STAG1: variants seen among roughly 807,000 people sequenced by gnomAD.
STAG1 encodes the protein STAG1 cohesin complex component, also known as cohesin subunit SA-1.
A neutral mutation model predicts 170.9 loss-of-function variants in STAG1; 26 were observed. That is an observed-to-expected ratio of 0.15 (90% CI 0.11 to 0.21). The LOEUF is 0.21. Ranked by LOEUF, STAG1 falls within the 10% of genes least tolerant of loss-of-function variation. The pLI is 1.00. For synonymous variants in STAG1, 514 were observed against 497.7 expected (o/e 1.03, Z -0.44); for missense variants, 964 against 1,509.5 (o/e 0.64, Z 5.99).
At chr3:136,597,999 T>G (rs1024099943) in intron 4 of STAG1, among the ~76,000 whole-genome samples, 6 of 152,174 alleles carry the variant, frequency 3.9e-5, no homozygotes, top group African/African-American at 1.4e-4. Context: ...CTATTAGCTA[T>G]ATATTATCAC....
At chr3:136,389,026 C>A (rs1404697141) in intron 22 of STAG1, among the ~76,000 whole-genome samples, 2 of 152,146 alleles carry the variant, frequency 1.3e-5, no homozygotes, top group East Asian at 3.9e-4. Flanking sequence ...GAACTCCTGG[C>A]CTCAACCAAT....
chr3:136,363,354 C>T lies in STAG1; in HGVS notation c.2787+12G>A, dbSNP rs1936950031. ...TTTCCATTCTTTGTCTCCCTCTCTC[C>T]AAATTTCTTACCTGTTGCAAACTGA... On this transcript the variant is annotated intron_variant, in intron 26 of 33. Transcript: ENST00000383202. The T allele has an allele frequency of 6.9e-7, 1 of 1,454,258 alleles. No individual in the cohort carries two copies. 90.1% of individuals were successfully genotyped at this position (1,454,258 alleles called of 1,614,324 possible). A position where few individuals can be genotyped will look rare whatever the true frequency, so the allele number is the denominator to read the frequency against.
chr3:136,639,698 T>G (rs1047466392), intron 1 of STAG1, among the ~76,000 whole-genome samples: 4 of 152,218 alleles, frequency 2.6e-5, no homozygotes, highest in Admixed American at 2.6e-4. Context: ...TAAGTAAGTT[T>G]GTATAGCCCC....
chr3:136,684,309 G>A (rs1025719273), intron 1 of STAG1, among the ~76,000 whole-genome samples: 1 of 152,218 alleles, frequency 6.6e-6, no homozygotes, highest in Non-Finnish European at 1.5e-5. Context: ...TCAAAACGAT[G>A]TAGTGTTGGC....
At position 136,423,033 on chromosome 3, in the gene STAG1, G is replaced by A. The variant is rs757121083; in HGVS notation, c.1662C>T (p.Ala554=). 6.2e-7 allele frequency: 1 copy of A among 1,604,092 alleles called. No homozygotes were observed. The highest frequency in any genetic ancestry group is 8.5e-7 in the Non-Finnish European group (1 of 1,175,196). ...CATCAATTTGAGTTTTCCTTTCTTT[G>A]GCAGTTAGCACCTAGAAACAAAATC... ...GRGTGKRVLT[A]KERKTQIDDR... is the part of the protein sequence containing the mutation. Residue 554 remains alanine, a synonymous_variant, in exon 17 of 34, where the codon GCC becomes GCT. Coordinates refer to ENST00000383202, the MANE Select transcript of STAG1 (RefSeq NM_005862.3).
At chr3:136,402,705 C>T (rs1003744334) in intron 21 of STAG1, among the ~76,000 whole-genome samples, 74 of 151,488 alleles carry the variant, frequency 4.9e-4, no homozygotes, top group Non-Finnish European at 3.2e-4. Context: ...GTGGCACATG[C>T]CTGTCTCAGC....
intron 28 of STAG1, among the ~76,000 whole-genome samples, chr3:136,354,148 T>C (rs138893969): frequency 4.5e-4 from 68 of 152,334 alleles, no homozygotes; most frequent in Non-Finnish European, 1.0e-4. Context: ...TTATCTCAAG[T>C]ATAATTATAA....
intron 7 of STAG1, among the ~76,000 whole-genome samples, chr3:136,516,801 C>T (rs1934401908): frequency 1.3e-5 from 2 of 152,176 alleles, no homozygotes; most frequent in South Asian, 4.1e-4. Flanking sequence ...TCTTTTCTTT[C>T]CCACTTTGCA....
intron 1 of STAG1, among the ~76,000 whole-genome samples, chr3:136,684,964 G>T (rs1043353238): frequency 6.6e-6 from 1 of 152,024 alleles, no homozygotes; most frequent in African/African-American, 2.4e-5. Context: ...TTTGGAGATG[G>T]CTTTTTAAAG....
chr3:136,472,734 A>C (rs950515357), intron 11 of STAG1, among the ~76,000 whole-genome samples: 9 of 152,244 alleles, frequency 5.9e-5, no homozygotes, highest in African/African-American at 1.9e-4. Context: ...GGAAGCCTTA[A>C]CATACAAAAT....
At chr3:136,711,063 AT>A (rs1943369401) in intron 1 of STAG1, among the ~76,000 whole-genome samples, 3 of 149,560 alleles carry the variant, frequency 2.0e-5, no homozygotes. Context: ...AAAGAAAAAT[AT>A]ATATATATAT....
At position 136,532,895 on chromosome 3, in the gene STAG1, A is replaced by G. The variant is rs1935447040; in HGVS notation, c.471+9224T>C. ...CCCACTTTTACAAGTCTTATTCAAC[A>G]TGGTACTGGAAGTCCTAGACAGACC... On this transcript the variant is annotated intron_variant, in intron 6 of 33. Coordinates refer to ENST00000383202, the MANE Select transcript of STAG1 (RefSeq NM_005862.3). Among the ~76,000 whole-genome samples the G allele has an allele frequency of 2.0e-5, 3 of 152,176 alleles. No individual in the cohort carries two copies. The South Asian group carries it at 6.2e-4, about 32-fold the overall frequency.
intron 12 of STAG1, among the ~76,000 whole-genome samples, chr3:136,470,744 T>A (rs1454958754): frequency 6.6e-6 from 1 of 152,060 alleles, no homozygotes; most frequent in Non-Finnish European, 1.5e-5. Flanking sequence ...CAAATGTCCA[T>A]CAATGATAGA....
In STAG1 at chr3:136,630,984, G is replaced by T; in HGVS notation, c.-83-3C>A. On this transcript the variant is annotated splice_region_variant and splice_polypyrimidine_tract_variant and intron_variant, in intron 1 of 33. Coordinates refer to ENST00000383202, the MANE Select transcript of STAG1 (RefSeq NM_005862.3). ...TTAAAATAACCTCAAAGGCAATCCT[G>T]TCAATTAAAAAAAAGAAATTATTTT... The T allele has an allele frequency of 1.6e-6, 2 of 1,248,816 alleles. No individual in the cohort carries two copies. Among genetic ancestry groups the T allele is most frequent in the Non-Finnish European group, 2.2e-6 (2 of 907,718 alleles). The allele number at this position is 1,248,816 out of a possible 1,614,324, so 77.4% of individuals were successfully genotyped here.
chr3:136,707,802 T>C (rs1482051683), intron 1 of STAG1, among the ~76,000 whole-genome samples: 1 of 152,142 alleles, frequency 6.6e-6, no homozygotes, highest in Non-Finnish European at 1.5e-5. Flanking sequence ...AAAGCAAGAA[T>C]TCACTCACTA....
chr3:136,447,825 G>A (rs934367597), intron 14 of STAG1, among the ~76,000 whole-genome samples: 2 of 151,916 alleles, frequency 1.3e-5, no homozygotes, highest in Non-Finnish European at 2.9e-5. Context: ...CACCGTGTTA[G>A]CCAGGATGGT....
chr3:136,468,403 C>G (rs903938168), intron 12 of STAG1, among the ~76,000 whole-genome samples: 6 of 152,290 alleles, frequency 3.9e-5, no homozygotes, highest in Admixed American at 1.3e-4. Context: ...ACTAGAAAAT[C>G]TGGAAGAAAT....
rs545847088 is a variant in STAG1 at position 136,463,866 on chromosome 3, T to C, written c.1313+1015A>G. Among the ~76,000 whole-genome samples, 4 of 146,606 alleles carry C rather than the reference T, an allele frequency of 2.7e-5. No individual in the cohort carries two copies. The South Asian group carries it at 6.3e-4, about 23-fold the overall frequency. On this transcript the variant is annotated intron_variant, in intron 13 of 33. Transcript: ENST00000383202. ...ATACATATATAAATATATATTTATA[T>C]ATACATACATACATATATACTTATA...
chr3:136,714,354 G>T (rs80338366), intron 1 of STAG1, among the ~76,000 whole-genome samples: 9,466 of 152,224 alleles, frequency 0.062, 381 homozygotes, highest in Non-Finnish European at 0.086. Flanking sequence ...TCAGCACTTT[G>T]GGTCACCAAG....
Sources: allele counts gnomAD v4.1 joint callset (sites outside exome capture counted in the v4.1 genomes callset), GRCh38; gene constraint gnomAD v4.1.1; transcripts MANE v1.5; gene names NCBI Gene and HGNC (gene_info 2026-07-23, HGNC 2026-07-21).